Variants in IL5 observed in about 807,000 individuals in gnomAD.
IL5 encodes interleukin-5.
A neutral mutation model predicts 16.3 loss-of-function variants in IL5; 12 were observed. That is an observed-to-expected ratio of 0.74 (90% CI 0.47 to 1.20). The LOEUF (loss-of-function observed/expected upper bound fraction) is 1.20, where lower values mean the gene tolerates loss of function less well. Among genes scored for constraint, IL5 ranks in the 50% most tolerant of loss-of-function variants. The pLI is 0.00. For missense variants in IL5, 159 were observed against 153.9 expected (o/e 1.03, Z -0.17); for synonymous variants, 54 against 56.6 (o/e 0.95, Z 0.21).
At chr5:132,549,448 A>G (rs1190250848) in intron 1 of IL5, among the ~76,000 whole-genome samples, 1 of 152,248 alleles carries the variant, frequency 6.6e-6, no homozygotes, top group Non-Finnish European at 1.5e-5. Flanking sequence ...AAAGCTTTAA[A>G]GTTCAGCTAC....
upstream of IL5, among the ~76,000 whole-genome samples, chr5:132,545,362 A>G (rs572066536): frequency 2.0e-5 from 3 of 152,280 alleles, no homozygotes; most frequent in Non-Finnish European, 4.4e-5. Context: ...CTTAAATTCT[A>G]TCATAGGAGG....
chr5:132,553,529 G>A (rs1207686901), intron 1 of IL5, among the ~76,000 whole-genome samples: 1 of 152,074 alleles, frequency 6.6e-6, no homozygotes, highest in African/African-American at 2.4e-5. Flanking sequence ...ATTGCTTCCC[G>A]AAATATCTTT....
intron 1 of IL5, among the ~76,000 whole-genome samples, chr5:132,553,842 G>A (rs1749923947): frequency 6.6e-6 from 1 of 150,912 alleles, no homozygotes; most frequent in African/African-American, 2.4e-5. Context: ...CAGAGGCTGA[G>A]GCAGTAGAAT....
chr5:132,555,856 A>G (rs1749974119), intron 1 of IL5, among the ~76,000 whole-genome samples: 2 of 150,862 alleles, frequency 1.3e-5, no homozygotes, highest in Admixed American at 1.3e-4. Flanking sequence ...TTTTAAAATA[A>G]AAAAAGGTCT....
At chr5:132,552,831 G>A (rs1334381543) in intron 1 of IL5, among the ~76,000 whole-genome samples, 1 of 152,122 alleles carries the variant, frequency 6.6e-6, no homozygotes, top group African/African-American at 2.4e-5. Flanking sequence ...TACCTCCCGG[G>A]TTCAGCGATT....
At chr5:132,542,785 G>C (rs1179042037) in intron 2 of IL5, among the ~76,000 whole-genome samples, 1 of 152,140 alleles carries the variant, frequency 6.6e-6, no homozygotes, top group African/African-American at 2.4e-5. Context: ...GTGAGAAAGA[G>C]TCAGAACTGC....
At chr5:132,554,328 T>A (rs1749936358) in intron 1 of IL5, among the ~76,000 whole-genome samples, 1 of 138,114 alleles carries the variant, frequency 7.2e-6, no homozygotes, top group Non-Finnish European at 1.5e-5. Context: ...GATCGCACCA[T>A]TGCACTCCAG....
chr5:132,544,381 G>A (rs1228658261), upstream of IL5, among the ~76,000 whole-genome samples: 1 of 152,206 alleles, frequency 6.6e-6, no homozygotes, highest in Non-Finnish European at 1.5e-5. Flanking sequence ...TCTCCCTGGA[G>A]CTAGAGGTGA....
intron 1 of IL5, among the ~76,000 whole-genome samples, chr5:132,549,615 G>T (rs897142471): frequency 1.2e-4 from 18 of 152,150 alleles, no homozygotes; most frequent in African/African-American, 4.1e-4. Flanking sequence ...ATATTGAAAA[G>T]TTACATTGGT....
chr5:132,554,304 T>C (rs1483259111), intron 1 of IL5, among the ~76,000 whole-genome samples: 1 of 143,476 alleles, frequency 7.0e-6, no homozygotes, highest in Non-Finnish European at 1.5e-5. Flanking sequence ...GAGGTGGAGG[T>C]TGCAGTGAGC....
chr5:132,549,944 A>C (rs906433609), intron 1 of IL5, among the ~76,000 whole-genome samples: 8 of 152,230 alleles, frequency 5.3e-5, no homozygotes, highest in Non-Finnish European at 1.2e-4. Context: ...TATAGCAACT[A>C]TCAGTTTTTT....
At chr5:132,547,561 C>T (rs1161049340), upstream of IL5, among the ~76,000 whole-genome samples, 3 of 152,070 alleles carry the variant, frequency 2.0e-5, no homozygotes, top group Non-Finnish European at 4.4e-5. Flanking sequence ...TCATGGATGA[C>T]ACTCAGGAAC....
chr5:132,551,251 A>C (rs889515899), intron 1 of IL5, among the ~76,000 whole-genome samples: 2 of 152,258 alleles, frequency 1.3e-5, no homozygotes, highest in African/African-American at 4.8e-5. Context: ...CATTTATTAA[A>C]AGGCAAATAC....
At chr5:132,542,219 T>G in intron 2 of IL5, 76 bp from the exon 3 acceptor site, 1 of 936,634 alleles carries the variant, frequency 1.1e-6, no homozygotes, top group Non-Finnish European at 1.7e-6. Context: ...CATTCTGCAA[T>G]GTATACATAC....
rs1749692817 is a variant in IL5 at position 132,541,716 on chromosome 5, A to C, written c.*95T>G. 1 of 698,046 alleles carries C rather than the reference A, an allele frequency of 1.4e-6. No individual in the cohort carries two copies. Among genetic ancestry groups the C allele is most frequent in the African/African-American group, 1.8e-5 (1 of 55,358 alleles). 43.2% of individuals were successfully genotyped at this position (698,046 alleles called of 1,614,324 possible). A position where few individuals can be genotyped will look rare whatever the true frequency, so the allele number is the denominator to read the frequency against. ...TTCCCTCTGAAGTTAAATTATACTG[A>C]AAATTAAGGCCTGACTCTTTCTTGG... is the stretch of plus-strand genomic sequence containing the variant. On this transcript the variant is annotated 3_prime_UTR_variant, in exon 4 of 4. Transcript: ENST00000231454.
chr5:132,541,978 A>G, intron 3 of IL5, 37 bp downstream of exon 3: 1 of 1,613,218 alleles, frequency 6.2e-7, no homozygotes, highest in Non-Finnish European at 8.5e-7. Context: ...AGGCACAGCC[A>G]GACAAATATA....
chr5:132,544,286 A>G (rs4986968), upstream of IL5, among the ~76,000 whole-genome samples: 1 of 152,206 alleles, frequency 6.6e-6, no homozygotes, highest in Admixed American at 6.5e-5. Context: ...TGTTTAATCA[A>G]AAGCTTTCAA....
At chr5:132,545,336 CA>C (rs1360040994), upstream of IL5, among the ~76,000 whole-genome samples, 1 of 152,096 alleles carries the variant, frequency 6.6e-6, no homozygotes, top group Non-Finnish European at 1.5e-5. Flanking sequence ...ACCTTAAATA[CA>C]CAAAGTTCTG....
chr5:132,544,350 G>T (rs1016686328), upstream of IL5, among the ~76,000 whole-genome samples: 2 of 152,184 alleles, frequency 1.3e-5, no homozygotes, highest in Admixed American at 1.3e-4. Flanking sequence ...TGTGACCAGG[G>T]TGTAGTATAT....
Sources: gnomAD v4.1 joint callset for allele counts (sites outside exome capture counted in the v4.1 genomes callset) on GRCh38, gnomAD v4.1.1 for gene constraint, MANE v1.5 for transcripts, NCBI Gene and HGNC (gene_info 2026-07-23, HGNC 2026-07-21) for gene names.